Variants in BMAL2 observed in about 807,000 individuals in gnomAD.
The protein encoded by BMAL2 is basic helix-loop-helix ARNT-like protein 2.
At chr12:27,349,453 T>C in the BMAL2 span, among the ~76,000 whole-genome samples, 2 of 151,750 alleles carry the variant, frequency 1.3e-5, no homozygotes, top group Non-Finnish European at 2.9e-5. Flanking sequence ...TATGAGGAGT[T>C]CTGTGTGGAA....
the BMAL2 span, among the ~76,000 whole-genome samples, chr12:27,413,990 C>G: frequency 6.6e-6 from 1 of 151,992 alleles, no homozygotes; most frequent in African/African-American, 2.4e-5. Context: ...TGTTACCATA[C>G]CTGTGAATGA....
the BMAL2 span, among the ~76,000 whole-genome samples, chr12:27,341,414 T>C: frequency 6.6e-6 from 1 of 152,240 alleles, no homozygotes; most frequent in Non-Finnish European, 1.5e-5. Flanking sequence ...CAATGAATCA[T>C]ATTTATTGAT....
chr12:27,362,922 G>C, the BMAL2 span, among the ~76,000 whole-genome samples: 58 of 152,122 alleles, frequency 3.8e-4, no homozygotes, highest in Admixed American at 3.1e-3. Context: ...TCCCACCTCA[G>C]CCTCTTGAGT....
chr12:27,367,512 A>G, the BMAL2 span, among the ~76,000 whole-genome samples: 2 of 152,232 alleles, frequency 1.3e-5, no homozygotes, highest in African/African-American at 2.4e-5. Flanking sequence ...AAAAATTCTC[A>G]GAAGAAATAT....
the BMAL2 span, among the ~76,000 whole-genome samples, chr12:27,345,939 A>G: frequency 1.3e-5 from 2 of 152,154 alleles, no homozygotes; most frequent in African/African-American, 2.4e-5. Flanking sequence ...TTATTTTTCC[A>G]TATTGAAGCA....
chr12:27,387,401 C>T, the BMAL2 span: 13 of 924,444 alleles, frequency 1.4e-5, no homozygotes, highest in Non-Finnish European at 1.9e-5. Context: ...TTTCTGAACA[C>T]CTTCTCCCCA....
the BMAL2 span, among the ~76,000 whole-genome samples, chr12:27,376,906 C>A: frequency 1.4e-5 from 2 of 145,866 alleles, no homozygotes; most frequent in Admixed American, 7.2e-5. Context: ...GGGACTGAGG[C>A]AGGAGAATGG....
At chr12:27,378,711 G>C in the BMAL2 span, among the ~76,000 whole-genome samples, 1 of 152,284 alleles carries the variant, frequency 6.6e-6, no homozygotes, top group African/African-American at 2.4e-5. Flanking sequence ...TAGGTGACTG[G>C]ATTTGTTTTA....
At chr12:27,335,524 A>C in the BMAL2 span, among the ~76,000 whole-genome samples, 2 of 152,160 alleles carry the variant, frequency 1.3e-5, no homozygotes, top group African/African-American at 4.8e-5. Flanking sequence ...GTAGTTCTGC[A>C]ATTACAGTGG....
chr12:27,407,298 C>T, the BMAL2 span, among the ~76,000 whole-genome samples: 2 of 152,210 alleles, frequency 1.3e-5, no homozygotes, highest in South Asian at 4.1e-4. Flanking sequence ...ACATTCTTTT[C>T]AGCACTACAC....
the BMAL2 span, among the ~76,000 whole-genome samples, chr12:27,398,991 T>G: frequency 1.3e-5 from 2 of 152,162 alleles, no homozygotes; most frequent in African/African-American, 4.8e-5. Flanking sequence ...GACCCCCAGA[T>G]TTCTCTTTGA....
At chr12:27,346,037 C>G in the BMAL2 span, among the ~76,000 whole-genome samples, 1 of 152,188 alleles carries the variant, frequency 6.6e-6, no homozygotes, top group Non-Finnish European at 1.5e-5. Flanking sequence ...TTCCATCAGA[C>G]GAGAGACAAT....
chr12:27,406,694 A>G, the BMAL2 span, among the ~76,000 whole-genome samples: 1 of 152,222 alleles, frequency 6.6e-6, no homozygotes, highest in Non-Finnish European at 1.5e-5. Flanking sequence ...CTAACGAGCA[A>G]AATAACCAGC....
At chr12:27,380,534 C>T in the BMAL2 span, 1 of 988,072 alleles carries the variant, frequency 1.0e-6, no homozygotes, top group Admixed American at 2.3e-5. Flanking sequence ...TAGAGGTATT[C>T]ACTGGCATTT....
chr12:27,389,291 C>A, the BMAL2 span: 1 of 1,580,326 alleles, frequency 6.3e-7, no homozygotes, highest in Non-Finnish European at 8.7e-7. Flanking sequence ...CTAATAGATG[C>A]CAAAAGTAAG....
the BMAL2 span, among the ~76,000 whole-genome samples, chr12:27,384,857 CGG>C: frequency 3.0e-3 from 463 of 152,200 alleles, 5 homozygotes; most frequent in African/African-American, 0.01. Flanking sequence ...CCACAGCTAA[CGG>C]GGGACTACTG....
chr12:27,413,343 G>A, the BMAL2 span, among the ~76,000 whole-genome samples: 1 of 152,132 alleles, frequency 6.6e-6, no homozygotes, highest in Non-Finnish European at 1.5e-5. Context: ...ATGAATACAT[G>A]ATATGTAAAA....
chr12:27,383,797 C>T, the BMAL2 span, among the ~76,000 whole-genome samples: 1 of 152,164 alleles, frequency 6.6e-6, no homozygotes, highest in Non-Finnish European at 1.5e-5. Context: ...TCCCTGAGCC[C>T]TAGGATGAAG....
chr12:27,354,638 G>A, the BMAL2 span, among the ~76,000 whole-genome samples: 3 of 152,184 alleles, frequency 2.0e-5, no homozygotes, highest in South Asian at 4.2e-4. Flanking sequence ...TTAAAATATT[G>A]TATAAAATTA....
Sources: gnomAD v4.1 joint callset for allele counts (sites outside exome capture counted in the v4.1 genomes callset) on GRCh38, gnomAD v4.1.1 for gene constraint, MANE v1.5 for transcripts, NCBI Gene and HGNC (gene_info 2026-07-23, HGNC 2026-07-21) for gene names.